The following GOLGA3 variants were observed in gnomAD, a reference collection of about 807,000 sequenced individuals.
The protein encoded by GOLGA3 is golgin subfamily A member 3.
In GOLGA3, 75 loss-of-function variants were observed where a neutral mutation model predicts 169.4. The observed-to-expected ratio is 0.44, with a 90% CI of 0.37 to 0.54. GOLGA3 has a LOEUF of 0.54. Among genes scored for constraint, GOLGA3 ranks in the 20% least tolerant of loss-of-function variants. The pLI, the probability that GOLGA3 is intolerant of heterozygous loss-of-function variation, is 0.00. For synonymous variants in GOLGA3, 824 were observed against 822.4 expected, an observed-to-expected ratio of 1.00 and a Z score of -0.03; for missense variants, 1,899 against 1,930.0, an observed-to-expected ratio of 0.98 and a Z score of 0.30.
At position 132,777,220 on chromosome 12, in the gene GOLGA3, G is replaced by A. The variant is rs2045296807; in HGVS notation, c.3723-130C>T. 1.0e-6 allele frequency: 1 copy of A among 971,214 alleles called. No homozygotes were observed. The allele number at this position is 971,214 out of a possible 1,614,324, so 60.2% of individuals were successfully genotyped here. ...CCTCTGCTGTGCACTGCGTGCTGCA[G>A]CCATGCTTGGTGCCCACAGTGTGCA... On this transcript the variant is annotated intron_variant, in intron 19 of 23. Transcript: ENST00000450791. This position sits in a 1 kb window ranked among gnomAD's most constrained non-coding sequence, Gnocchi z 4.7.
chr12:132,788,944 G>GCCCCAGACACCGGCCCCC, intron 13 of GOLGA3, 83 bp downstream of exon 13: 3 of 186,850 alleles, frequency 1.6e-5, no homozygotes, highest in Non-Finnish European at 1.8e-5. Context: ...CACAGGCCCC[G>GCCCCAGACACCGGCCCCC]CCCCAGACAC....
At chr12:132,809,947 T>C (rs929763825) in intron 4 of GOLGA3, among the ~76,000 whole-genome samples, 6 of 152,068 alleles carry the variant, frequency 3.9e-5, no homozygotes, top group Non-Finnish European at 7.4e-5. Flanking sequence ...TGGATAAACA[T>C]AGAAATTTTC....
intron 18 of GOLGA3, among the ~76,000 whole-genome samples, chr12:132,778,125 C>CA (rs2136275263): frequency 6.6e-6 from 1 of 152,160 alleles, no homozygotes; most frequent in Admixed American, 6.5e-5. Flanking sequence ...CCTGTCTCCA[C>CA]AAAAAATAAA....
chr12:132,807,716 A>C (rs1157770469), intron 5 of GOLGA3, among the ~76,000 whole-genome samples, 175 bp downstream of exon 5: 4 of 152,236 alleles, frequency 2.6e-5, no homozygotes, highest in African/African-American at 9.6e-5. Context: ...GGGCCCGGGA[A>C]GCAACATCTC....
At chr12:132,801,163 G>A (rs1002227443) in intron 8 of GOLGA3, among the ~76,000 whole-genome samples, 2 of 152,234 alleles carry the variant, frequency 1.3e-5, no homozygotes, top group South Asian at 2.1e-4. Context: ...CCACATATGC[G>A]GGACCAAGCT....
intron 15 of GOLGA3, among the ~76,000 whole-genome samples, chr12:132,785,130 G>A (rs554054646): frequency 2.6e-5 from 4 of 152,222 alleles, no homozygotes; most frequent in Admixed American, 6.5e-5. Context: ...AAGCCCGGAC[G>A]GACACAAGAC....
chr12:132,780,951 G>A (rs374627744), intron 17 of GOLGA3, 37 bp from the exon 18 acceptor site: 94 of 1,486,182 alleles, frequency 6.3e-5, no homozygotes, highest in African/African-American at 2.2e-4. Flanking sequence ...AAGGAAGGAC[G>A]TCGAATTACA....
chr12:132,810,587 G>C (rs569128949), intron 4 of GOLGA3, among the ~76,000 whole-genome samples: 1 of 152,202 alleles, frequency 6.6e-6, no homozygotes, highest in African/African-American at 2.4e-5. Context: ...GAGCTGAGGG[G>C]ACACAGTGAG....
chr12:132,820,152 GACA>G (rs2136756600), intron 2 of GOLGA3, among the ~76,000 whole-genome samples: 1 of 151,520 alleles, frequency 6.6e-6, no homozygotes, highest in Admixed American at 6.6e-5. Flanking sequence ...CTACAGCCTG[GACA>G]ACAACAGCAA....
rs139162437 is a variant in GOLGA3, at chr12:132,806,715, T to C, written c.1290+462A>G. Among the ~76,000 whole-genome samples, 21 of 152,262 alleles carry C rather than the reference T, an allele frequency of 1.4e-4. No homozygotes were observed. In the East Asian group the frequency reaches 4.1e-3, roughly 29 times the overall value. On this transcript the variant is annotated intron_variant, in intron 6 of 23. Coordinates refer to ENST00000450791, the MANE Select transcript of GOLGA3 (RefSeq NM_001389683.1). ...ACCTAGCTCTTCACTGTGGATAAAG[T>C]GCATACGACAAAATGACAAAGGAGA... is the stretch of plus-strand genomic sequence containing the variant.
At chr12:132,801,646 A>G (rs1157191868) in intron 8 of GOLGA3, 121 bp downstream of exon 8, 13 of 901,078 alleles carry the variant, frequency 1.4e-5, no homozygotes, top group Middle Eastern at 2.3e-4. Context: ...TGGGCTGGAC[A>G]GCAGGTTAAA....
chr12:132,788,097 C>T (rs2046022863), intron 13 of GOLGA3, among the ~76,000 whole-genome samples: 1 of 152,032 alleles, frequency 6.6e-6, no homozygotes, highest in Non-Finnish European at 1.5e-5. Flanking sequence ...GTCCTCCAAG[C>T]CTCCTACAGT....
intron 13 of GOLGA3, among the ~76,000 whole-genome samples, chr12:132,787,838 C>A (rs183189819): frequency 0.013 from 866 of 65,738 alleles, 173 homozygotes; most frequent in Non-Finnish European, 0.017. Flanking sequence ...CCCGGAGACC[C>A]CGGGACCCCT....
At chr12:132,807,070 C>T (rs1485681500) in intron 6 of GOLGA3, 107 bp downstream of exon 6, 12 of 625,426 alleles carry the variant, frequency 1.9e-5, no homozygotes, top group Admixed American at 1.3e-4. Context: ...ACACATGCTG[C>T]GGCGGCTGAT....
chr12:132,799,130 G>A (rs776129625), intron 8 of GOLGA3, among the ~76,000 whole-genome samples: 4 of 152,190 alleles, frequency 2.6e-5, no homozygotes, highest in Non-Finnish European at 5.9e-5. Context: ...TGCACAGTGC[G>A]AGACGTGACA....
Position 132,783,959 on chromosome 12 carries a change from T to A in GOLGA3, c.3267+205A>T, listed in dbSNP as rs151318138. The A allele has an allele frequency of 6.9e-4, 1,001 of 1,456,664 alleles. 14 individuals are homozygous for A. In the African/African-American group the frequency reaches 0.013, roughly 19 times the overall value. 90.2% of individuals were successfully genotyped at this position (1,456,664 alleles called of 1,614,324 possible). A position where few individuals can be genotyped will look rare whatever the true frequency, so the allele number is the denominator to read the frequency against. ...TCTGTAACCATTCCACCAAAGAGGCTGTACAGTGATCCTCCCCAGAGGGCT... is the reference window on the plus strand; with the variant it reads ...TCTGTAACCATTCCACCAAAGAGGCAGTACAGTGATCCTCCCCAGAGGGCT... On this transcript the variant is annotated intron_variant, in intron 16 of 23. Coordinates refer to ENST00000450791, the MANE Select transcript of GOLGA3 (RefSeq NM_001389683.1).
At chr12:132,796,490 C>T (rs760835526) in intron 10 of GOLGA3, 49 bp downstream of exon 10, 17 of 1,568,018 alleles carry the variant, frequency 1.1e-5, no homozygotes, top group African/African-American at 2.7e-5. Flanking sequence ...CCTGGCTGCT[C>T]GGGATCACCT....
chr12:132,821,829 G>A (rs550323681), intron 2 of GOLGA3, among the ~76,000 whole-genome samples, 167 bp downstream of exon 2: 5 of 140,168 alleles, frequency 3.6e-5, no homozygotes, highest in East Asian at 2.1e-4. Context: ...AGTCCAGCCT[G>A]GGCGAAAGAG....
intron 1 of GOLGA3, among the ~76,000 whole-genome samples, chr12:132,823,952 G>C (rs985891515): frequency 6.6e-6 from 1 of 151,570 alleles, no homozygotes; most frequent in African/African-American, 2.4e-5. Flanking sequence ...GCATGGCAGC[G>C]CGTGCCTGTA....
Sources: allele counts gnomAD v4.1 joint callset (sites outside exome capture counted in the v4.1 genomes callset), GRCh38; gene constraint gnomAD v4.1.1; non-coding constraint Gnocchi (gnomAD v3.1); transcripts MANE v1.5; gene names NCBI Gene and HGNC (gene_info 2026-07-23, HGNC 2026-07-21).